The following FAM161A variants were observed in gnomAD, a reference collection of about 807,000 sequenced individuals.
The protein encoded by FAM161A is FAM161 centrosomal protein A.
A neutral mutation model predicts 70.9 loss-of-function variants in FAM161A; 57 were observed. The observed-to-expected ratio is 0.80, with a 90% CI of 0.65 to 1.00. FAM161A has a LOEUF of 1.00. Among genes scored for constraint, FAM161A ranks in the 50% least tolerant of loss-of-function variants. The pLI, the probability that FAM161A is intolerant of heterozygous loss-of-function variation, is 0.00. For synonymous variants in FAM161A, 299 were observed against 295.7 expected (o/e 1.01, Z -0.12); for missense variants, 880 against 836.0 (o/e 1.05, Z -0.65).
At chr2:61,817,166 T>C in the FAM161A span, among the ~76,000 whole-genome samples, 1 of 152,232 alleles carries the variant, frequency 6.6e-6, no homozygotes, top group African/African-American at 2.4e-5. Context: ...GCCCTTCGCT[T>C]TCTTCGCATG....
chr2:61,833,851 G>A (rs1394059745), intron 5 of FAM161A, among the ~76,000 whole-genome samples: 1 of 152,022 alleles, frequency 6.6e-6, no homozygotes, highest in Non-Finnish European at 1.5e-5. Context: ...GCCATACAGC[G>A]AGACCCAGTC....
chr2:61,821,295 C>T (rs1041798152), downstream of FAM161A, among the ~76,000 whole-genome samples: 35 of 152,216 alleles, frequency 2.3e-4, 3 homozygotes, highest in Admixed American at 1.4e-3. Context: ...TTGTGATCTG[C>T]CTGCCTCGGC....
intron 5 of FAM161A, among the ~76,000 whole-genome samples, chr2:61,831,729 G>C (rs1424724775): frequency 6.6e-6 from 1 of 152,142 alleles, no homozygotes; most frequent in Non-Finnish European, 1.5e-5. Context: ...GGTCAGTTAA[G>C]ACAATGCATA....
At chr2:61,812,855 G>T in the FAM161A span, among the ~76,000 whole-genome samples, 1 of 152,090 alleles carries the variant, frequency 6.6e-6, no homozygotes, top group African/African-American at 2.4e-5. Context: ...GGATCACGAG[G>T]TCAGGAGATC....
intron 1 of FAM161A, chr2:61,846,983 G>C: frequency 9.7e-6 from 4 of 411,900 alleles, no homozygotes; most frequent in Non-Finnish European, 1.9e-5. Context: ...GGCCAACATG[G>C]TGAAACCCCA....
chr2:61,820,958 A>G (rs1334315407), downstream of FAM161A, among the ~76,000 whole-genome samples: 1 of 152,226 alleles, frequency 6.6e-6, no homozygotes, highest in African/African-American at 2.4e-5. Flanking sequence ...ACCTACTCCC[A>G]GGCTCTTAGA....
rs566151201 is a variant in FAM161A at position 61,845,933 on chromosome 2, A to G, written c.184-3573T>C. Among the ~76,000 whole-genome samples the G allele has an allele frequency of 1.2e-4, 18 of 152,152 alleles. No homozygotes were observed. In the East Asian group the frequency reaches 3.3e-3, roughly 28 times the overall value. Reference sequence around the variant, plus strand: ...GTGAAACCCCTTCTCTACTAAAAATACAAAAATTAGCCAGGCATGGTGGCG... The same window carrying G: ...GTGAAACCCCTTCTCTACTAAAAATGCAAAAATTAGCCAGGCATGGTGGCG... On this transcript the variant is annotated intron_variant, in intron 1 of 6. Coordinates refer to ENST00000404929, the MANE Select transcript of FAM161A (RefSeq NM_001201543.2).
At chr2:61,803,823 A>G in the FAM161A span, among the ~76,000 whole-genome samples, 1 of 152,112 alleles carries the variant, frequency 6.6e-6, no homozygotes, top group Non-Finnish European at 1.5e-5. Context: ...GAAAAAATAA[A>G]TAAATAAATA....
the FAM161A span, among the ~76,000 whole-genome samples, chr2:61,815,883 T>C: frequency 2.0e-5 from 3 of 152,212 alleles, no homozygotes; most frequent in East Asian, 3.9e-4. Context: ...CCTTGTCCAC[T>C]GTCTACCTCC....
intron 1 of FAM161A, among the ~76,000 whole-genome samples, chr2:61,853,018 T>C (rs1673550521): frequency 6.8e-6 from 1 of 147,718 alleles, no homozygotes; most frequent in Non-Finnish European, 1.5e-5. Flanking sequence ...TTCAAGCGAT[T>C]CTCCTGCCTC....
intron 1 of FAM161A, among the ~76,000 whole-genome samples, chr2:61,853,306 C>G (rs1283517229): frequency 6.6e-6 from 1 of 152,138 alleles, no homozygotes; most frequent in East Asian, 1.9e-4. Flanking sequence ...GAAAACTGAT[C>G]AGTGAAAAGG....
At chr2:61,804,099 A>G in the FAM161A span, among the ~76,000 whole-genome samples, 2 of 152,166 alleles carry the variant, frequency 1.3e-5, no homozygotes, top group African/African-American at 4.8e-5. Flanking sequence ...TGGATTATTC[A>G]TGCCTCCCCA....
chr2:61,814,855 G>C, the FAM161A span, among the ~76,000 whole-genome samples: 2 of 152,158 alleles, frequency 1.3e-5, no homozygotes, highest in Admixed American at 6.5e-5. Flanking sequence ...CAAAGAGTTT[G>C]CTTTTAGTTT....
At chr2:61,806,030 C>A in the FAM161A span, among the ~76,000 whole-genome samples, 1 of 152,116 alleles carries the variant, frequency 6.6e-6, no homozygotes, top group Admixed American at 6.6e-5. Context: ...CCAGTCTGGG[C>A]AACATGGCAA....
rs185024198 is a variant in FAM161A, at chr2:61,835,799, G to T, written c.1851+211C>A. 2.5e-3 allele frequency: 1,333 copies of T among 530,526 alleles called. 5 individuals carry two copies. The highest frequency in any genetic ancestry group is 3.2e-3 in the Non-Finnish European group (927 of 293,818). 32.9% of individuals were successfully genotyped at this position (530,526 alleles called of 1,614,324 possible). A position where few individuals can be genotyped will look rare whatever the true frequency, so the allele number is the denominator to read the frequency against. On this transcript the variant is annotated intron_variant, in intron 5 of 6. Coordinates refer to ENST00000404929, the MANE Select transcript of FAM161A (RefSeq NM_001201543.2). ...CCCACCTCAGCCTCCCAAGTAGCTG[G>T]GACTACAGGTGCACACCACCACACC...
chr2:61,821,055 C>CTTTTTTTTTTTT (rs557835002), downstream of FAM161A, among the ~76,000 whole-genome samples: 1 of 143,362 alleles, frequency 7.0e-6, no homozygotes, highest in Non-Finnish European at 1.5e-5. Context: ...CTTTTTTTTT[C>CTTTTTTTTTTTT]TTTTTTTTTT....
chr2:61,808,277 T>TTA, the FAM161A span, among the ~76,000 whole-genome samples: 2 of 128,668 alleles, frequency 1.6e-5, no homozygotes, highest in African/African-American at 5.9e-5. Context: ...TATTATTATT[T>TTA]TTTTTTTTTT....
In FAM161A at chr2:61,854,013, A is replaced by G. The variant is rs1434821939; in HGVS notation, c.29T>C (p.Leu10Pro). The G allele has an allele frequency of 6.2e-7, 1 of 1,612,108 alleles. No homozygotes were observed. The highest frequency in any genetic ancestry group is 8.5e-7 in the Non-Finnish European group (1 of 1,179,302). Residue 10 changes from leucine (L) to proline (P), a missense_variant, in exon 1 of 7, where the codon CTG (leucine) becomes CCG (proline). Leu to Pro is a moderately conservative substitution (Grantham distance 98). Transcript: ENST00000404929. ...CGGGGTCTGGAGACTGGAGGCCACC[A>G]GCTTCGCCACTCGGTGGGAGGTGGC... The part of the protein sequence containing the change: MATSHRVAK[L>P]VASSLQTPVN...
intron 1 of FAM161A, among the ~76,000 whole-genome samples, chr2:61,847,969 A>T (rs1435047265): frequency 6.6e-6 from 1 of 152,200 alleles, no homozygotes; most frequent in Non-Finnish European, 1.5e-5. Flanking sequence ...TGAACCATGC[A>T]AAGAAATGCT....
Sources: gnomAD v4.1 joint callset for allele counts (sites outside exome capture counted in the v4.1 genomes callset) on GRCh38, gnomAD v4.1.1 for gene constraint, MANE v1.5 for transcripts, NCBI Gene and HGNC (gene_info 2026-07-23, HGNC 2026-07-21) for gene names.